Variants in TSPAN32 observed in about 807,000 individuals in gnomAD.
TSPAN32 encodes tetraspanin 32, also known as tetraspanin-32.
Under a neutral mutation model 42.7 loss-of-function variants are expected in TSPAN32, and 47 were observed. That is an observed-to-expected ratio of 1.10 (90% CI 0.87 to 1.40). TSPAN32 has a LOEUF of 1.40. Ranked by LOEUF, TSPAN32 falls within the 40% of genes most tolerant of loss-of-function variation. The pLI is 0.00. For missense variants in TSPAN32, 469 were observed against 424.1 expected (o/e 1.11, Z -0.93); for synonymous variants, 175 against 175.9 (o/e 0.99, Z 0.04).
intron 5 of TSPAN32, 83 bp from the exon 6 acceptor site, chr11:2,314,401 TG>T: frequency 1.8e-6 from 2 of 1,084,812 alleles, no homozygotes; most frequent in Non-Finnish European, 2.8e-6. Context: ...TGGATACTTG[TG>T]GTGCCTCAGT....
Position 2,304,259 on chromosome 11 carries a change from G to C in TSPAN32, c.279+55G>C. ...GCCCCCAGAAAAGAATTAGAAAGGA[G>C]TGAAGAGCTGGCAGGGCTGTGTGCC... is the stretch of plus-strand genomic sequence containing the variant. On this transcript the variant is annotated intron_variant, in intron 3 of 9. Transcript: ENST00000182290. The surrounding 1 kb of genome is among the most constrained non-coding windows in gnomAD (Gnocchi z 4.8). 1 of 1,312,744 alleles carries C rather than the reference G, an allele frequency of 7.6e-7. No homozygotes were observed. Among genetic ancestry groups the C allele is most frequent in the Non-Finnish European group, 1.0e-6 (1 of 968,698 alleles). The allele number at this position is 1,312,744 out of a possible 1,614,324, so 81.3% of individuals were successfully genotyped here.
rs1847941012 is a variant in TSPAN32 at position 2,304,297 on chromosome 11, G to A, written c.279+93G>A. 3 of 924,574 alleles carry A rather than the reference G, an allele frequency of 3.2e-6. No homozygotes were observed. In the Admixed American group the frequency reaches 8.6e-5, roughly 26 times the overall value. The allele number at this position is 924,574 out of a possible 1,614,324, so 57.3% of individuals were successfully genotyped here. A position where few individuals can be genotyped will look rare whatever the true frequency, so the allele number is the denominator to read the frequency against. ...AGGGCTGTGTGCCACCCCCACACCTGAGTGACCAGGCAGAACCAGAGGCCC... is the reference window on the plus strand; with the variant it reads ...AGGGCTGTGTGCCACCCCCACACCTAAGTGACCAGGCAGAACCAGAGGCCC... On this transcript the variant is annotated intron_variant, in intron 3 of 9. Transcript: ENST00000182290. This position sits in a 1 kb window ranked among gnomAD's most constrained non-coding sequence, Gnocchi z 4.8.
intron 4 of TSPAN32, among the ~76,000 whole-genome samples, chr11:2,309,148 G>A (rs1481546194): frequency 6.6e-6 from 1 of 152,204 alleles, no homozygotes; most frequent in Non-Finnish European, 1.5e-5. Context: ...GAAGAAGAAG[G>A]AAAGCCACTG....
chr11:2,309,299 C>G (rs766516708), intron 4 of TSPAN32: 1 of 462,134 alleles, frequency 2.2e-6, no homozygotes, highest in South Asian at 1.6e-5. Flanking sequence ...GTGTCGCAGC[C>G]TCCACCCCCT....
intron 7 of TSPAN32, 102 bp from the exon 8 acceptor site, chr11:2,316,474 T>G: frequency 6.3e-7 from 1 of 1,586,976 alleles, no homozygotes; most frequent in Non-Finnish European, 8.5e-7. Context: ...GCCTGCCTCC[T>G]ACAGCTGGGC....
chr11:2,308,803 C>T lies in TSPAN32; in HGVS notation c.347C>T (p.Pro116Leu). 6.4e-7 allele frequency: 1 copy of T among 1,566,966 alleles called. No homozygotes were observed. The highest frequency in any genetic ancestry group is 8.7e-7 in the Non-Finnish European group (1 of 1,155,410). ...GTGGTGTTCTGGAGACTCCACAGCC[C>T]CACCCAGGTGAGCACCAGCTGCCCC... Reference protein sequence around the residue: ...VQVVFWRLHSPTQVEDAMLDT... With the variant: ...VQVVFWRLHSLTQVEDAMLDT... Residue 116 changes from proline (P) to leucine (L), a missense_variant, in exon 4 of 10, where the codon CCC becomes CTC. Physicochemically the swap from Pro to Leu is moderately conservative, Grantham distance 98. Transcript: ENST00000182290.
intron 6 of TSPAN32, chr11:2,315,958 G>A: frequency 1.3e-6 from 2 of 1,529,134 alleles, no homozygotes; most frequent in East Asian, 5.0e-5. Context: ...GGCCCAACAT[G>A]GACGCTCAGG....
chr11:2,316,783 C>T lies in TSPAN32; in HGVS notation c.719+116C>T, dbSNP rs1404923424. On this transcript the variant is annotated intron_variant, in intron 8 of 9. Transcript: ENST00000182290. The stretch of plus-strand genomic sequence containing the variant: ...CCCGGGACCAAGCCCCAGGCTGACA[C>T]TGTAGAGGAAACGCTTTGGGGGTGG... 1.2e-5 allele frequency: 14 copies of T among 1,168,812 alleles called. No homozygotes were observed. In the Middle Eastern group the frequency reaches 1.6e-3, roughly 133 times the overall value. The allele number at this position is 1,168,812 out of a possible 1,614,324, so 72.4% of individuals were successfully genotyped here.
chr11:2,316,150 T>C, intron 6 of TSPAN32, 79 bp from the exon 7 acceptor site: 1 of 1,515,806 alleles, frequency 6.6e-7, no homozygotes, highest in Non-Finnish European at 8.8e-7. Flanking sequence ...GCGCTGCAGC[T>C]CCATGGCCCC....
intron 6 of TSPAN32, 187 bp downstream of exon 6, chr11:2,314,758 G>C (rs1031832926): frequency 3.4e-6 from 2 of 595,698 alleles, no homozygotes; most frequent in South Asian, 4.0e-5. Context: ...TTCATGGTAC[G>C]CCAAGCCCAT....
chr11:2,314,942 G>A (rs1848690646), intron 6 of TSPAN32: 2 of 322,586 alleles, frequency 6.2e-6, no homozygotes, highest in Non-Finnish European at 6.0e-6. Context: ...GCCAAGGGCT[G>A]CAGGGCTGGT....
chr11:2,317,244 C>A lies in TSPAN32; in HGVS notation c.720-100C>A. On this transcript the variant is annotated intron_variant, in intron 8 of 9. Transcript: ENST00000182290. This position sits in a 1 kb window ranked among gnomAD's most constrained non-coding sequence, Gnocchi z 6.2. ...GCTCCATAATCCCCTCCAGAACATT[C>A]TGCAACAGCCCCATGATCCCCTCTA... 1.1e-6 allele frequency: 1 copy of A among 934,434 alleles called. No homozygotes were observed. The highest frequency in any genetic ancestry group is 1.6e-6 in the Non-Finnish European group (1 of 615,728). 57.9% of individuals were successfully genotyped at this position (934,434 alleles called of 1,614,324 possible).
rs747192392 is a variant in TSPAN32, at chr11:2,313,628, G to C, written c.355-26G>C. 4 of 1,574,524 alleles carry C rather than the reference G, an allele frequency of 2.5e-6. No homozygotes were observed. In the South Asian group the frequency reaches 4.6e-5, roughly 18 times the overall value. On this transcript the variant is annotated intron_variant, in intron 4 of 9. Coordinates refer to ENST00000182290, the MANE Select transcript of TSPAN32 (RefSeq NM_139022.3). This position sits in a 1 kb window ranked among gnomAD's most constrained non-coding sequence, Gnocchi z 9.1. ...TCCCCGGATCTCCCACCAGGGCCAG[G>C]ACCTCCCTGTGGTCTCTCGGTGCAG...
At chr11:2,302,248 G>T (rs1847793714) in intron 1 of TSPAN32, 33 bp downstream of exon 1, 5 of 1,381,884 alleles carry the variant, frequency 3.6e-6, no homozygotes, top group Non-Finnish European at 4.7e-6. Context: ...GTGGGTGGTG[G>T]GTGGGGGTGA....
chr11:2,302,504 C>A (rs974101362), intron 1 of TSPAN32, among the ~76,000 whole-genome samples: 1 of 152,096 alleles, frequency 6.6e-6, no homozygotes, highest in Non-Finnish European at 1.5e-5. Flanking sequence ...GGCTGCCGGG[C>A]TCCAGGGATC....
chr11:2,307,400 G>A (rs913529486), intron 3 of TSPAN32, among the ~76,000 whole-genome samples: 4 of 152,230 alleles, frequency 2.6e-5, no homozygotes, highest in Non-Finnish European at 5.9e-5. Context: ...ACCCAGGCGG[G>A]CACAGTGCTG....
chr11:2,304,138 C>T lies in TSPAN32; in HGVS notation c.213C>T (p.Leu71=). The change falls in exon 3 of 10, where the codon CTC becomes CTT. Residue 71 remains leucine (L), a synonymous_variant. Transcript: ENST00000182290. The surrounding 1 kb of genome is among the most constrained non-coding windows in gnomAD (Gnocchi z 4.8). ...CTGCGGGGTTGAGCCTGGTGGGCCT[C>T]CTGACTCTGGGAGCCGTGCTGAGCG... ...AFSAGLSLVG[L]LTLGAVLSAA... is the part of the protein sequence containing the mutation. 1 of 1,588,516 alleles carries T rather than the reference C, an allele frequency of 6.3e-7. No homozygotes were observed. Among genetic ancestry groups the T allele is most frequent in the Non-Finnish European group, 8.6e-7 (1 of 1,167,604 alleles).
Position 2,318,108 on chromosome 11 carries a change from G to C in TSPAN32, c.*184G>C. 1.8e-6 allele frequency: 1 copy of C among 566,168 alleles called. No homozygotes were observed. The highest frequency in any genetic ancestry group is 3.1e-6 in the Non-Finnish European group (1 of 322,856). 35.1% of individuals were successfully genotyped at this position (566,168 alleles called of 1,614,324 possible). Reference sequence around the variant, plus strand: ...GCAATGGTGCATTGAGCAAATTGTGGTCAAATATACATCACATCAAATTTA... The same window carrying C: ...GCAATGGTGCATTGAGCAAATTGTGCTCAAATATACATCACATCAAATTTA... On this transcript the variant is annotated 3_prime_UTR_variant, in exon 10 of 10. Transcript: ENST00000182290. The surrounding 1 kb of genome is among the most constrained non-coding windows in gnomAD (Gnocchi z 4.2).
chr11:2,307,464 G>A (rs1004093701), intron 3 of TSPAN32, among the ~76,000 whole-genome samples: 1 of 152,110 alleles, frequency 6.6e-6, no homozygotes, highest in East Asian at 1.9e-4. Flanking sequence ...GGAGCTGCCC[G>A]GTCGGTGGCT....
Sources: gnomAD v4.1 joint callset for allele counts (sites outside exome capture counted in the v4.1 genomes callset) on GRCh38, gnomAD v4.1.1 for gene constraint, Gnocchi (gnomAD v3.1) non-coding constraint, MANE v1.5 for transcripts, NCBI Gene and HGNC (gene_info 2026-07-23, HGNC 2026-07-21) for gene names.